The following CD86 variants were observed in gnomAD, a reference collection of about 807,000 sequenced individuals.
CD86 encodes the protein CD86 molecule.
CD86 carries 11 observed loss-of-function variants against 32.1 expected under a neutral mutation model. The observed-to-expected ratio is 0.34, with a 90% CI of 0.22 to 0.57. The LOEUF is 0.57. CD86 is among the 20% of genes least tolerant of loss of function. The probability of loss-of-function intolerance (pLI) is 0.86; values close to 1 mark genes in which losing one functional copy is unlikely to be tolerated. For synonymous variants in CD86, 137 were observed against 135.3 expected, an observed-to-expected ratio of 1.01 and a Z score of -0.09; for missense variants, 359 against 398.4, an observed-to-expected ratio of 0.90 and a Z score of 0.84.
rs189114087 is a variant in CD86, at chr3:122,079,402, T to C, written c.15-12199T>C. On this transcript the variant is annotated intron_variant, in intron 1 of 6. Coordinates refer to ENST00000330540, the MANE Select transcript of CD86 (RefSeq NM_175862.5). ...CAGAAAAATCAAGGTTGAAATACCATGTTTCAAAAATCAGACTGAGGTGGG... is the reference window on the plus strand; with the variant it reads ...CAGAAAAATCAAGGTTGAAATACCACGTTTCAAAAATCAGACTGAGGTGGG... Among the ~76,000 whole-genome samples, 91 of 152,280 alleles carry C rather than the reference T, an allele frequency of 6.0e-4. No homozygotes were observed. In the East Asian group the frequency reaches 0.012, roughly 19 times the overall value.
At chr3:122,080,196 A>G (rs2072611813) in intron 1 of CD86, among the ~76,000 whole-genome samples, 1 of 152,292 alleles carries the variant, frequency 6.6e-6, no homozygotes, top group African/African-American at 2.4e-5. Flanking sequence ...AGTGAGTTCT[A>G]TGAGCCTCAT....
At chr3:122,089,095 A>G (rs981797611) in intron 1 of CD86, among the ~76,000 whole-genome samples, 2 of 152,236 alleles carry the variant, frequency 1.3e-5, no homozygotes, top group African/African-American at 4.8e-5. Flanking sequence ...CAAATACTGT[A>G]TGAGTTTACT....
At chr3:122,105,862 A>T (rs1418199034) in intron 3 of CD86, among the ~76,000 whole-genome samples, 2 of 152,078 alleles carry the variant, frequency 1.3e-5, no homozygotes, top group Non-Finnish European at 2.9e-5. Context: ...TGGGCCCTAG[A>T]GTCAGACCAC....
In CD86 at chr3:122,061,157, AG is replaced by A. The variant is rs565390263; in HGVS notation, c.14+5655del. Among the ~76,000 whole-genome samples, 11 of 152,358 alleles carry A rather than the reference AG, an allele frequency of 7.2e-5. No individual in the cohort carries two copies. The East Asian group carries it at 1.9e-3, about 27-fold the overall frequency. ...GTGAACCAATTAGTCAATACACGCC[AG>A]AAAATGGTAAAACTGGATAAACCTA... On this transcript the variant is annotated intron_variant, in intron 1 of 6. Coordinates refer to ENST00000330540, the MANE Select transcript of CD86 (RefSeq NM_175862.5).
chr3:122,083,823 G>A (rs556544939), intron 1 of CD86, among the ~76,000 whole-genome samples: 32 of 152,172 alleles, frequency 2.1e-4, no homozygotes, highest in African/African-American at 6.3e-4. Flanking sequence ...TAAAATATTC[G>A]TTAATAATTT....
At chr3:122,072,938 T>C (rs944531706) in intron 1 of CD86, among the ~76,000 whole-genome samples, 34 of 151,982 alleles carry the variant, frequency 2.2e-4, no homozygotes, top group Admixed American at 3.9e-4. Context: ...CAGTTTCAGC[T>C]TTCTGCATAT....
chr3:122,064,953 C>G (rs1458547021), intron 1 of CD86, among the ~76,000 whole-genome samples: 4 of 152,118 alleles, frequency 2.6e-5, no homozygotes, highest in African/African-American at 9.7e-5. Flanking sequence ...TTAGAAGCTT[C>G]TATGGGAAGA....
chr3:122,059,535 C>CAAA (rs35060876), intron 1 of CD86, among the ~76,000 whole-genome samples: 1 of 67,952 alleles, frequency 1.5e-5, no homozygotes, highest in East Asian at 4.5e-4. Flanking sequence ...GACTCCGTCT[C>CAAA]AAAAAAAAAA....
At chr3:122,077,209 G>C (rs1301251004) in intron 1 of CD86, among the ~76,000 whole-genome samples, 1 of 152,122 alleles carries the variant, frequency 6.6e-6, no homozygotes, top group Non-Finnish European at 1.5e-5. Flanking sequence ...CATGCACCTG[G>C]GGGAGGATCA....
intron 1 of CD86, among the ~76,000 whole-genome samples, chr3:122,079,303 A>G (rs1008097532): frequency 1.3e-5 from 2 of 152,140 alleles, no homozygotes; most frequent in Admixed American, 6.6e-5. Flanking sequence ...ATGGGATTTT[A>G]TGGAGTTGAG....
At chr3:122,090,361 A>C (rs1303856368) in intron 1 of CD86, among the ~76,000 whole-genome samples, 1 of 152,238 alleles carries the variant, frequency 6.6e-6, no homozygotes, top group Non-Finnish European at 1.5e-5. Context: ...ATAGTTGTGC[A>C]TCTTTTCCTG....
chr3:122,106,947 T>C (rs1481070409), intron 4 of CD86, among the ~76,000 whole-genome samples: 1 of 148,038 alleles, frequency 6.8e-6, no homozygotes, highest in East Asian at 2.0e-4. Context: ...GTCACAGGAG[T>C]GAAAACAAAA....
chr3:122,068,152 T>G (rs1306723169), intron 1 of CD86, among the ~76,000 whole-genome samples: 1 of 152,214 alleles, frequency 6.6e-6, no homozygotes. Flanking sequence ...TTTAACAAGT[T>G]TAGTCATATT....
intron 3 of CD86, among the ~76,000 whole-genome samples, chr3:122,105,529 C>T (rs2073077008): frequency 6.6e-6 from 1 of 152,170 alleles, no homozygotes; most frequent in Admixed American, 6.5e-5. Context: ...TGATCCTGAA[C>T]AGCCAGAAAA....
intron 1 of CD86, 33 bp downstream of exon 1, chr3:122,055,536 T>G (rs774565765): frequency 6.2e-7 from 1 of 1,610,274 alleles, no homozygotes; most frequent in Non-Finnish European, 8.5e-7. Flanking sequence ...TGCAGAGAAG[T>G]TATGAGTTGT....
chr3:122,071,120 CATT>C (rs1320426844), intron 1 of CD86, among the ~76,000 whole-genome samples: 3 of 152,064 alleles, frequency 2.0e-5, no homozygotes, highest in East Asian at 1.9e-4. Context: ...ATTGTTGCTT[CATT>C]ATTATTATTA....
At chr3:122,100,745 G>C (rs2072987465) in intron 2 of CD86, among the ~76,000 whole-genome samples, 1 of 152,144 alleles carries the variant, frequency 6.6e-6, no homozygotes, top group African/African-American at 2.4e-5. Context: ...AAGGCATCTA[G>C]CTGGATTCTT....
At chr3:122,107,551 G>C (rs2073111457) in intron 4 of CD86, among the ~76,000 whole-genome samples, 1 of 152,182 alleles carries the variant, frequency 6.6e-6, no homozygotes, top group Admixed American at 6.5e-5. Context: ...TTAAGAAGCT[G>C]TAACTGCAAG....
chr3:122,106,422 G>T lies in CD86; in HGVS notation c.625G>T (p.Asp209Tyr). The stretch of plus-strand genomic sequence containing the variant: ...CATCAGCTTGTCTGTTTCATTCCCT[G>T]ATGTTACGAGCAATATGACCATCTT... The part of the protein sequence containing the change: ...VSISLSVSFP[D>Y]VTSNMTIFCI... The change falls in exon 4 of 7, where the codon GAT (aspartate) becomes TAT (tyrosine). Residue 209 changes from aspartate (D) to tyrosine (Y), a missense_variant. Asp to Tyr is a radical substitution (Grantham distance 160, BLOSUM62 -3). Transcript: ENST00000330540. The T allele has an allele frequency of 6.2e-7, 1 of 1,613,992 alleles. No homozygotes were observed. Among genetic ancestry groups the T allele is most frequent in the South Asian group, 1.1e-5 (1 of 91,064 alleles).
Sources: gnomAD v4.1 joint callset for allele counts (sites outside exome capture counted in the v4.1 genomes callset) on GRCh38, gnomAD v4.1.1 for gene constraint, MANE v1.5 for transcripts, NCBI Gene and HGNC (gene_info 2026-07-23, HGNC 2026-07-21) for gene names.